The following SLMAP variants were observed in gnomAD, a reference collection of about 807,000 sequenced individuals.
The protein encoded by SLMAP is sarcolemmal membrane-associated protein.
SLMAP carries 44 observed loss-of-function variants against 128.8 expected under a neutral mutation model. That is an observed-to-expected ratio of 0.34 (90% CI 0.27 to 0.44). The LOEUF (loss-of-function observed/expected upper bound fraction) is 0.44. Ranked by LOEUF, SLMAP falls within the 20% of genes least tolerant of loss-of-function variation. The probability of loss-of-function intolerance (pLI) is 1.00; values close to 1 mark genes in which losing one functional copy is unlikely to be tolerated. For synonymous variants in SLMAP, 327 were observed against 348.8 expected (o/e 0.94, Z 0.70); for missense variants, 787 against 985.3 (o/e 0.80, Z 2.69).
intron 2 of SLMAP, among the ~76,000 whole-genome samples, chr3:57,774,668 G>C (rs1397795087): frequency 6.6e-6 from 1 of 151,874 alleles, no homozygotes; most frequent in Non-Finnish European, 1.5e-5. Flanking sequence ...GGCATTACAG[G>C]CATGCATCAC....
intron 2 of SLMAP, among the ~76,000 whole-genome samples, chr3:57,818,540 A>C (rs1004203086): frequency 1.6e-4 from 24 of 152,238 alleles, no homozygotes; most frequent in Admixed American, 2.6e-4. Flanking sequence ...GAAAAAATGC[A>C]TGCAGAGTAG....
intron 2 of SLMAP, among the ~76,000 whole-genome samples, chr3:57,793,376 T>G (rs1021556167): frequency 2.0e-5 from 3 of 152,234 alleles, no homozygotes; most frequent in Non-Finnish European, 4.4e-5. Context: ...TTTATAGATT[T>G]CAAAGTGCTG....
intron 14 of SLMAP, among the ~76,000 whole-genome samples, chr3:57,873,048 G>A (rs1225724451): frequency 6.6e-6 from 1 of 152,110 alleles, no homozygotes; most frequent in Non-Finnish European, 1.5e-5. Flanking sequence ...CAAATCAAAT[G>A]TTATACTCCT....
chr3:57,789,428 A>C (rs1255054152), intron 2 of SLMAP, among the ~76,000 whole-genome samples: 1 of 152,124 alleles, frequency 6.6e-6, no homozygotes, highest in Non-Finnish European at 1.5e-5. Flanking sequence ...TCGACCTAAC[A>C]GGATTCTTGG....
intron 3 of SLMAP, among the ~76,000 whole-genome samples, chr3:57,837,086 T>G (rs1372676790): frequency 6.6e-6 from 1 of 152,220 alleles, no homozygotes; most frequent in African/African-American, 2.4e-5. Flanking sequence ...ACTGAATTAC[T>G]TTTACTCCCC....
intron 13 of SLMAP, among the ~76,000 whole-genome samples, chr3:57,867,939 C>T (rs2095351316): frequency 6.6e-6 from 1 of 152,080 alleles, no homozygotes; most frequent in African/African-American, 2.4e-5. Context: ...CTGAATGTAT[C>T]TTAGAGAGTA....
intron 2 of SLMAP, among the ~76,000 whole-genome samples, chr3:57,795,931 C>T (rs1459481673): frequency 6.6e-6 from 1 of 151,794 alleles, no homozygotes; most frequent in Non-Finnish European, 1.5e-5. Flanking sequence ...TAGTATTTGT[C>T]CTGATAGTAT....
chr3:57,888,884 T>A (rs540257025), intron 14 of SLMAP, among the ~76,000 whole-genome samples: 1 of 152,028 alleles, frequency 6.6e-6, no homozygotes, highest in South Asian at 2.1e-4. Context: ...TGTTACTTTC[T>A]GTTTTTTTTT....
At chr3:57,922,144 C>T (rs2096930822) in intron 22 of SLMAP, among the ~76,000 whole-genome samples, 1 of 152,164 alleles carries the variant, frequency 6.6e-6, no homozygotes, top group Non-Finnish European at 1.5e-5. Flanking sequence ...TAAAGGGAAA[C>T]CTATTGGGAA....
intron 17 of SLMAP, chr3:57,897,143 C>G (rs3773017): frequency 8.4e-6 from 11 of 1,310,272 alleles, no homozygotes; most frequent in African/African-American, 6.1e-5. Flanking sequence ...GTCAAGATTA[C>G]GAGGGACAAA....
At chr3:57,774,100 A>G (rs1282126334) in intron 2 of SLMAP, among the ~76,000 whole-genome samples, 1 of 152,234 alleles carries the variant, frequency 6.6e-6, no homozygotes, top group East Asian at 1.9e-4. Flanking sequence ...TATGAAATAT[A>G]TTTTAAAACA....
In SLMAP at chr3:57,780,721, G is replaced by A. The variant is rs187351896; in HGVS notation, c.198+22872G>A. On this transcript the variant is annotated intron_variant, in intron 2 of 24. Coordinates refer to ENST00000671191, the MANE Select transcript of SLMAP (RefSeq NM_001377540.1). ...CTCAGTGGCTCTATCTCTGCTCACT[G>A]CAGTCTTGATTTCTTGGGCTCAAGC... is the stretch of plus-strand genomic sequence containing the variant. 5.3e-5 allele frequency among the ~76,000 whole-genome samples: 8 copies of A among 151,746 alleles called. No individual in the cohort carries two copies. In the East Asian group the frequency reaches 1.6e-3, roughly 29 times the overall value.
intron 2 of SLMAP, among the ~76,000 whole-genome samples, chr3:57,789,451 A>T (rs115806439): frequency 0.018 from 2,780 of 152,240 alleles, 73 homozygotes; most frequent in African/African-American, 0.063. Flanking sequence ...GAGTCAGGCC[A>T]GGGTGTTCAG....
chr3:57,925,308 C>A (rs898279275), intron 23 of SLMAP, among the ~76,000 whole-genome samples: 1 of 150,044 alleles, frequency 6.7e-6, no homozygotes, highest in Admixed American at 6.8e-5. Flanking sequence ...ACCCACATTG[C>A]CCATTGCCTT....
intron 2 of SLMAP, among the ~76,000 whole-genome samples, chr3:57,829,875 T>A (rs6445929): frequency 6.6e-6 from 1 of 152,030 alleles, no homozygotes. Flanking sequence ...AAACATAAAG[T>A]CTGTGTCCCC....
chr3:57,897,277 C>A, intron 17 of SLMAP: 1 of 400,046 alleles, frequency 2.5e-6, no homozygotes, highest in Non-Finnish European at 4.1e-6. Flanking sequence ...TCTTGAAAGA[C>A]TCACCGGTTT....
intron 14 of SLMAP, among the ~76,000 whole-genome samples, chr3:57,885,015 AAC>A (rs1186600408): frequency 6.6e-6 from 1 of 152,178 alleles, no homozygotes; most frequent in Non-Finnish European, 1.5e-5. Context: ...CAAACAAAAA[AAC>A]ACACACAGAA....
chr3:57,906,332 T>TTTTTTTTTTTTTTTTTTTTTTTTTTTTC (rs1491216777), intron 17 of SLMAP, among the ~76,000 whole-genome samples: 2 of 137,032 alleles, frequency 1.5e-5, no homozygotes, highest in African/African-American at 2.6e-5. Context: ...TTTTTTTTTT[T>TTTTTTTTTTTTTTTTTTTTTTTTTTTTC]AGAGACACAG....
chr3:57,851,352 G>GT (rs11297177), intron 6 of SLMAP, among the ~76,000 whole-genome samples: 1,981 of 133,276 alleles, frequency 0.015, 51 homozygotes, highest in African/African-American at 0.046. Flanking sequence ...GTTTTGGGTT[G>GT]TTTTTTTTTT....
Sources: gnomAD v4.1 joint callset for allele counts (sites outside exome capture counted in the v4.1 genomes callset) on GRCh38, gnomAD v4.1.1 for gene constraint, MANE v1.5 for transcripts, NCBI Gene and HGNC (gene_info 2026-07-23, HGNC 2026-07-21) for gene names.